Variants in POLR1A observed in about 807,000 individuals in gnomAD.
POLR1A encodes DNA-directed RNA polymerase I subunit RPA1.
In POLR1A, 84 loss-of-function variants were observed where a neutral mutation model predicts 205.3. That is an observed-to-expected ratio of 0.41 (90% CI 0.34 to 0.49). The LOEUF (loss-of-function observed/expected upper bound fraction) is 0.49. POLR1A is among the 20% of genes least tolerant of loss of function. The pLI is 0.22. For synonymous variants in POLR1A, 799 were observed against 863.7 expected, an observed-to-expected ratio of 0.93 and a Z score of 1.31; for missense variants, 1,645 against 2,204.5, an observed-to-expected ratio of 0.75 and a Z score of 5.08.
At chr2:86,075,737 A>T (rs10195896) in intron 11 of POLR1A, among the ~76,000 whole-genome samples, 8,181 of 152,168 alleles carry the variant, frequency 0.054, 720 homozygotes, top group African/African-American at 0.19. Flanking sequence ...CAAACTCCCA[A>T]CCTCAGCTGA....
At chr2:86,040,903 A>C (rs1672588554) in intron 24 of POLR1A, among the ~76,000 whole-genome samples, 1 of 151,982 alleles carries the variant, frequency 6.6e-6, no homozygotes, top group Admixed American at 6.5e-5. Context: ...TTTTTCCTTT[A>C]TCCATTCTTT....
In POLR1A at chr2:86,028,711, C is replaced by T. The variant is rs201364942; in HGVS notation, c.4780G>A (p.Val1594Ile). The T allele has an allele frequency of 7.4e-6, 12 of 1,611,758 alleles. No individual in the cohort carries two copies. The highest frequency in any genetic ancestry group is 2.5e-6 in the Non-Finnish European group (3 of 1,177,846). ...GAGTAGAGGCGGCGCAGATCCAGGA[C>T]CTGGAGAGAGGAAGGAAGGGATTTA... ...NLPELFKYAE[V>I]LDLRRLYSND... is the part of the protein sequence containing the mutation. Residue 1594 changes from valine to isoleucine, a missense_variant and splice_region_variant, in exon 32 of 34, where the codon GTC becomes ATC. Transcript: ENST00000263857. The surrounding 1 kb of genome is among the most constrained non-coding windows in gnomAD (Gnocchi z 4.5).
chr2:86,078,028 G>A, intron 10 of POLR1A, 47 bp from the exon 11 acceptor site: 12 of 1,613,344 alleles, frequency 7.4e-6, no homozygotes, highest in Non-Finnish European at 1.0e-5. Context: ...AAGAATTCCA[G>A]TAGGCTTATT....
At position 86,027,854 on chromosome 2, in the gene POLR1A, G is replaced by A. The variant is rs754941427; in HGVS notation, c.5062+31C>T. 17 of 1,612,754 alleles carry A rather than the reference G, an allele frequency of 1.1e-5. No homozygotes were observed. The African/African-American group carries it at 1.9e-4, about 18-fold the overall frequency. ...CGTGTGCCCAGAGTCGTCAGTAGAGGGGAGGCCAGGGCTCCTGCCCACGCA... is the reference window on the plus strand; with the variant it reads ...CGTGTGCCCAGAGTCGTCAGTAGAGAGGAGGCCAGGGCTCCTGCCCACGCA... On this transcript the variant is annotated intron_variant, in intron 33 of 33. Transcript: ENST00000263857.
intron 30 of POLR1A, among the ~76,000 whole-genome samples, chr2:86,030,650 C>T (rs1232582662): frequency 6.6e-6 from 1 of 152,196 alleles, no homozygotes; most frequent in East Asian, 1.9e-4. Flanking sequence ...TTGAGATTCA[C>T]ATCCACTCTG....
intron 16 of POLR1A, among the ~76,000 whole-genome samples, chr2:86,050,693 G>A (rs1426530564): frequency 6.6e-6 from 1 of 152,170 alleles, no homozygotes; most frequent in Non-Finnish European, 1.5e-5. Context: ...AGCTGGGTGT[G>A]GGATCTTCCT....
chr2:86,029,053 A>T (rs746315334), intron 31 of POLR1A, among the ~76,000 whole-genome samples: 13 of 152,220 alleles, frequency 8.5e-5, no homozygotes, highest in Non-Finnish European at 1.6e-4. Context: ...GGAAGCAAGG[A>T]AAGTTCCCCT....
intron 14 of POLR1A, among the ~76,000 whole-genome samples, chr2:86,065,033 C>T (rs1001030116): frequency 1.3e-5 from 2 of 152,098 alleles, no homozygotes; most frequent in African/African-American, 4.8e-5. Context: ...CCTCAGTCTC[C>T]TAAAGTGTTG....
At chr2:86,033,435 C>T (rs1278575204) in intron 28 of POLR1A, among the ~76,000 whole-genome samples, 4 of 152,384 alleles carry the variant, frequency 2.6e-5, no homozygotes, top group East Asian at 1.9e-4. Context: ...AGGCCTGCCC[C>T]GGGGCTGGCT....
At chr2:86,105,096 G>C (rs1369330505) in intron 1 of POLR1A, among the ~76,000 whole-genome samples, 1 of 152,240 alleles carries the variant, frequency 6.6e-6, no homozygotes, top group African/African-American at 2.4e-5. Context: ...TGAGGTTATA[G>C]ATCGATAGAG....
intron 16 of POLR1A, 95 bp downstream of exon 16, chr2:86,052,722 T>G: frequency 9.8e-7 from 1 of 1,021,686 alleles, no homozygotes; most frequent in Non-Finnish European, 1.4e-6. Flanking sequence ...TTGGAAATCT[T>G]CAGTGTGGAC....
At chr2:86,097,214 CAAAAAAAAAAAAA>C (rs757210116) in intron 3 of POLR1A, among the ~76,000 whole-genome samples, 22 of 39,694 alleles carry the variant, frequency 5.5e-4, no homozygotes, top group Middle Eastern at 0.11. Context: ...CCCCAAAAGA[CAAAAAAAAAAAAA>C]AAAAAAAAAA....
At chr2:86,074,213 C>T (rs1341179876) in intron 12 of POLR1A, among the ~76,000 whole-genome samples, 2 of 152,204 alleles carry the variant, frequency 1.3e-5, no homozygotes, top group African/African-American at 2.4e-5. Flanking sequence ...AAGGCTGATG[C>T]AACTTTGCAG....
At chr2:86,063,668 G>A (rs1673039015) in intron 14 of POLR1A, among the ~76,000 whole-genome samples, 1 of 152,058 alleles carries the variant, frequency 6.6e-6, no homozygotes, top group African/African-American at 2.4e-5. Flanking sequence ...AATACCTCAC[G>A]ACCAAGGAAG....
At position 86,070,343 on chromosome 2, in the gene POLR1A, A is replaced by AC; in HGVS notation, c.1612-72dup. 6.7e-7 allele frequency: 1 copy of AC among 1,492,122 alleles called. No individual in the cohort carries two copies. The highest frequency in any genetic ancestry group is 9.0e-7 in the Non-Finnish European group (1 of 1,106,640). 92.4% of individuals were successfully genotyped at this position (1,492,122 alleles called of 1,614,324 possible). The stretch of plus-strand genomic sequence containing the variant: ...TCACCACGGCTCTTTCCAAGTGCTC[A>AC]CCTCAGCTTGACCAAGGTGTGGCTT... On this transcript the variant is annotated intron_variant, in intron 12 of 33. Transcript: ENST00000263857. This position sits in a 1 kb window ranked among gnomAD's most constrained non-coding sequence, Gnocchi z 4.4.
chr2:86,042,882 C>A (rs933339241), intron 23 of POLR1A, 92 bp downstream of exon 23: 1 of 895,998 alleles, frequency 1.1e-6, no homozygotes, highest in Non-Finnish European at 1.9e-6. Context: ...GTTCATGATT[C>A]TACCTTCTCT....
chr2:86,076,176 T>C (rs567324188), intron 11 of POLR1A, among the ~76,000 whole-genome samples: 1 of 152,324 alleles, frequency 6.6e-6, no homozygotes, highest in East Asian at 1.9e-4. Flanking sequence ...TACTGAATAT[T>C]ATAAACCTCT....
chr2:86,077,278 C>T (rs1281673785), intron 11 of POLR1A, among the ~76,000 whole-genome samples: 1 of 152,176 alleles, frequency 6.6e-6, no homozygotes, highest in African/African-American at 2.4e-5. Context: ...GAAGACGAAG[C>T]TAGCTCCCGG....
rs768623584 is a variant in POLR1A at position 86,030,503 on chromosome 2, G to C, written c.4579-107C>G. Reference sequence around the variant, plus strand: ...CTTTTCAGGAACTCCCTGGCTGGGGGAAAGTGGTCCTGCTGGGCAAGCCAG... The same window carrying C: ...CTTTTCAGGAACTCCCTGGCTGGGGCAAAGTGGTCCTGCTGGGCAAGCCAG... On this transcript the variant is annotated intron_variant, in intron 30 of 33. Transcript: ENST00000263857. 4.4e-4 allele frequency: 347 copies of C among 797,470 alleles called. 4 individuals are homozygous for C. The highest frequency in any genetic ancestry group is 1.4e-3 in the Middle Eastern group (4 of 2,780). 49.4% of individuals were successfully genotyped at this position (797,470 alleles called of 1,614,324 possible).
Sources: allele counts gnomAD v4.1 joint callset (sites outside exome capture counted in the v4.1 genomes callset), GRCh38; gene constraint gnomAD v4.1.1; non-coding constraint Gnocchi (gnomAD v3.1); transcripts MANE v1.5; gene names NCBI Gene and HGNC (gene_info 2026-07-23, HGNC 2026-07-21).